SNTG1: variants seen among roughly 807,000 people sequenced by gnomAD.
SNTG1 encodes gamma-1-syntrophin.
In SNTG1, 39 loss-of-function variants were observed where a neutral mutation model predicts 74.7. The observed-to-expected ratio is 0.52, with a 90% CI of 0.40 to 0.68. SNTG1 has a LOEUF of 0.68. Ranked by LOEUF, SNTG1 falls within the 30% of genes least tolerant of loss-of-function variation. SNTG1 has a pLI of 0.00. For missense variants in SNTG1, 685 were observed against 609.5 expected (o/e 1.12, Z -1.30); for synonymous variants, 254 against 217.1 (o/e 1.17, Z -1.49).
At chr8:50,468,134 T>TGCTTAAGGTAAACCAAGGAAGTTAAAA (rs2093624217) in intron 8 of SNTG1, among the ~76,000 whole-genome samples, 1 of 152,054 alleles carries the variant, frequency 6.6e-6, no homozygotes, top group Non-Finnish European at 1.5e-5. Flanking sequence ...GTATATTCTA[T>TGCTTAAGGTAAACCAAGGAAGTTAAAA]AAAAGTCTAT....
intron 13 of SNTG1, among the ~76,000 whole-genome samples, chr8:50,643,095 A>G (rs1000342140): frequency 2.6e-5 from 4 of 152,192 alleles, no homozygotes; most frequent in Non-Finnish European, 5.9e-5. Context: ...CTTCTCATGA[A>G]TCAAGATGGC....
chr8:50,569,622 G>T (rs2094535974), intron 12 of SNTG1, among the ~76,000 whole-genome samples: 1 of 152,176 alleles, frequency 6.6e-6, no homozygotes, highest in East Asian at 1.9e-4. Flanking sequence ...TGAAAATCAT[G>T]ATGGAATAAA....
intron 1 of SNTG1, among the ~76,000 whole-genome samples, chr8:50,016,582 TTCATTA>T (rs1816337872): frequency 6.6e-6 from 1 of 152,138 alleles, no homozygotes; most frequent in African/African-American, 2.4e-5. Context: ...GCACTGTATG[TTCATTA>T]GCAGTTTCTC....
In SNTG1 at chr8:50,795,587, G is replaced by C. The variant is rs1000096141; in HGVS notation, c.*2758G>C. ...TGGGTGTGTGTCTGTGTATGTGTGT[G>C]AGTGTGTAAGTGTTATCATTAAAGG... is the stretch of plus-strand genomic sequence containing the variant. On this transcript the variant is annotated 3_prime_UTR_variant, in exon 19 of 19. Coordinates refer to ENST00000642720, the MANE Select transcript of SNTG1 (RefSeq NM_018967.5). 1.3e-5 allele frequency: 2 copies of C among 151,962 alleles called. No homozygotes were observed. The highest frequency in any genetic ancestry group is 4.8e-5 in the African/African-American group (2 of 41,410). The allele number at this position is 151,962 out of a possible 1,614,324, so 9.4% of individuals were successfully genotyped here.
intron 13 of SNTG1, among the ~76,000 whole-genome samples, chr8:50,624,362 T>C (rs1286939780): frequency 6.6e-6 from 1 of 151,770 alleles, no homozygotes; most frequent in Non-Finnish European, 1.5e-5. Context: ...AGCAAGTAGC[T>C]TTTTATAATT....
intron 2 of SNTG1, among the ~76,000 whole-genome samples, chr8:50,291,340 G>A (rs184887914): frequency 1.5e-4 from 22 of 150,994 alleles, no homozygotes; most frequent in Non-Finnish European, 2.1e-4. Flanking sequence ...AGAGTGTGAG[G>A]TACTATTTTT....
At chr8:50,510,600 T>A (rs201846057) in intron 9 of SNTG1, among the ~76,000 whole-genome samples, 9 of 152,198 alleles carry the variant, frequency 5.9e-5, no homozygotes, top group South Asian at 2.1e-4. Flanking sequence ...AGAGCCTGTT[T>A]TTGGTCTATT....
intron 2 of SNTG1, among the ~76,000 whole-genome samples, chr8:50,379,489 C>G (rs1316811248): frequency 6.6e-6 from 1 of 152,110 alleles, no homozygotes; most frequent in African/African-American, 2.4e-5. Flanking sequence ...CACAGCTATG[C>G]ATTGGGTGAC....
intron 16 of SNTG1, chr8:50,708,001 G>C: frequency 2.9e-6 from 1 of 339,790 alleles, no homozygotes. Context: ...AGGCGTTCGA[G>C]ACCAGCCCAG....
intron 2 of SNTG1, among the ~76,000 whole-genome samples, chr8:50,323,332 G>A (rs2090606055): frequency 6.6e-6 from 1 of 152,082 alleles, no homozygotes; most frequent in South Asian, 2.1e-4. Flanking sequence ...TGTTTCTCCA[G>A]GATTGCTCCC....
chr8:50,657,117 T>C (rs2095187391), intron 14 of SNTG1, 92 bp downstream of exon 14: 2 of 592,816 alleles, frequency 3.4e-6, no homozygotes, highest in Non-Finnish European at 5.5e-6. Flanking sequence ...ACCATCAATA[T>C]TTTTAAAAAA....
chr8:50,022,048 T>G (rs2130682651), intron 1 of SNTG1, among the ~76,000 whole-genome samples: 1 of 152,160 alleles, frequency 6.6e-6, no homozygotes, highest in South Asian at 2.1e-4. Context: ...AGCAACACAG[T>G]AATTCAAAAA....
intron 13 of SNTG1, among the ~76,000 whole-genome samples, chr8:50,615,044 G>A (rs926944376): frequency 6.6e-6 from 1 of 151,354 alleles, no homozygotes; most frequent in Non-Finnish European, 1.5e-5. Context: ...CTGGGTTCAA[G>A]CCATTCTCCT....
chr8:50,140,854 T>C (rs2081634272), intron 1 of SNTG1, among the ~76,000 whole-genome samples: 1 of 152,194 alleles, frequency 6.6e-6, no homozygotes, highest in South Asian at 2.1e-4. Flanking sequence ...TCACACATCA[T>C]TGTACAAATA....
intron 12 of SNTG1, among the ~76,000 whole-genome samples, chr8:50,588,445 G>A (rs1294258624): frequency 6.6e-6 from 1 of 152,054 alleles, no homozygotes; most frequent in Admixed American, 6.6e-5. Context: ...TTGGTTACCC[G>A]CCTTCCATTC....
At chr8:50,097,633 C>G (rs1270788739) in intron 1 of SNTG1, among the ~76,000 whole-genome samples, 1 of 143,630 alleles carries the variant, frequency 7.0e-6, no homozygotes, top group Non-Finnish European at 1.5e-5. Flanking sequence ...GCCTGGGCGA[C>G]AAAATGAGAC....
At chr8:50,159,930 G>A (rs1345442311) in intron 1 of SNTG1, among the ~76,000 whole-genome samples, 1 of 152,130 alleles carries the variant, frequency 6.6e-6, no homozygotes, top group African/African-American at 2.4e-5. Flanking sequence ...GAATCCACCT[G>A]CAGCTCCCTC....
intron 1 of SNTG1, among the ~76,000 whole-genome samples, chr8:50,060,622 GAC>G (rs1270918608): frequency 6.6e-6 from 1 of 151,976 alleles, no homozygotes; most frequent in Non-Finnish European, 1.5e-5. Context: ...GGTGACAGCA[GAC>G]ATCTCTCCCT....
At chr8:50,614,847 A>G (rs1289618763) in intron 13 of SNTG1, among the ~76,000 whole-genome samples, 1 of 152,152 alleles carries the variant, frequency 6.6e-6, no homozygotes, top group Admixed American at 6.6e-5. Context: ...TATGTTAAAT[A>G]TATCAAAATA....
Sources: gnomAD v4.1 joint callset for allele counts (sites outside exome capture counted in the v4.1 genomes callset) on GRCh38, gnomAD v4.1.1 for gene constraint, MANE v1.5 for transcripts, NCBI Gene and HGNC (gene_info 2026-07-23, HGNC 2026-07-21) for gene names.